The following PALS2 variants were observed in gnomAD, a reference collection of about 807,000 sequenced individuals.
PALS2 encodes the protein protein associated with LIN7 2, MAGUK p55 family member.
Under a neutral mutation model 61.6 loss-of-function variants are expected in PALS2, and 27 were observed. The ratio of observed to expected loss-of-function variants is 0.44; its 90% CI spans 0.32 to 0.60. The LOEUF (loss-of-function observed/expected upper bound fraction) is 0.60, where lower values mean the gene tolerates loss of function less well. PALS2 is among the 20% of genes least tolerant of loss of function. PALS2 has a pLI of 0.05. For missense variants in PALS2, 554 were observed against 639.4 expected (o/e 0.87, Z 1.44); for synonymous variants, 236 against 218.6 (o/e 1.08, Z -0.70).
intron 9 of PALS2, among the ~76,000 whole-genome samples, chr7:24,673,996 G>GT (rs1237045474): frequency 6.6e-6 from 1 of 151,608 alleles, no homozygotes; most frequent in Non-Finnish European, 1.5e-5. Context: ...TTTTGAGTGG[G>GT]TTTTTTATAT....
intron 2 of PALS2, among the ~76,000 whole-genome samples, chr7:24,625,573 C>T (rs1173522529): frequency 6.6e-6 from 1 of 152,204 alleles, no homozygotes; most frequent in African/African-American, 2.4e-5. Flanking sequence ...GTTCTACCTA[C>T]TCCAACACCG....
At position 24,676,180 on chromosome 7, in the gene PALS2, T is replaced by C. The variant is rs188406336; in HGVS notation, c.1115-2951T>C. Among the ~76,000 whole-genome samples the C allele has an allele frequency of 4.2e-3, 636 of 151,410 alleles. 4 individuals carry two copies. The highest frequency in any genetic ancestry group is 0.014 in the African/African-American group (591 of 41,442). On this transcript the variant is annotated intron_variant, in intron 9 of 11. Coordinates refer to ENST00000222644, the MANE Select transcript of PALS2 (RefSeq NM_001303037.2). ...TTTTTTCATGTGTTTTTTGGCTGCA[T>C]AAGTGTCTGTCCATGTCCTTCGCCC...
chr7:24,626,760 A>G (rs1327038432), intron 2 of PALS2, among the ~76,000 whole-genome samples: 1 of 152,204 alleles, frequency 6.6e-6, no homozygotes, highest in Non-Finnish European at 1.5e-5. Context: ...AAACCAACAA[A>G]GATCAAAAAA....
chr7:24,626,077 A>G (rs1055328161), intron 2 of PALS2, among the ~76,000 whole-genome samples: 1 of 152,202 alleles, frequency 6.6e-6, no homozygotes, highest in Non-Finnish European at 1.5e-5. Flanking sequence ...ATTTATACAC[A>G]AGGATTTGAA....
intron 1 of PALS2, among the ~76,000 whole-genome samples, chr7:24,606,076 T>C (rs539572504): frequency 6.6e-6 from 1 of 152,278 alleles, no homozygotes; most frequent in East Asian, 1.9e-4. Flanking sequence ...TGGATTTCTT[T>C]CCTAGTAGTA....
At chr7:24,646,642 G>A (rs1359160513) in intron 3 of PALS2, among the ~76,000 whole-genome samples, 1 of 152,152 alleles carries the variant, frequency 6.6e-6, no homozygotes, top group East Asian at 1.9e-4. Flanking sequence ...GCCAGGTTTT[G>A]ATATAAAGAT....
At chr7:24,679,470 T>C (rs1233217662) in intron 10 of PALS2, 137 bp downstream of exon 10, 3 of 763,864 alleles carry the variant, frequency 3.9e-6, no homozygotes, top group African/African-American at 3.5e-5. Flanking sequence ...CTTTGGGTGA[T>C]AGAGAATGTT....
chr7:24,671,171 T>C (rs370051760), intron 9 of PALS2, among the ~76,000 whole-genome samples: 3 of 152,228 alleles, frequency 2.0e-5, no homozygotes, highest in Admixed American at 6.5e-5. Context: ...CCAGTTTCTC[T>C]ACATCCTCAC....
rs973994572 is a variant in PALS2, at chr7:24,619,649, C to T, written c.-2-4017C>T. On this transcript the variant is annotated intron_variant, in intron 1 of 11. Transcript: ENST00000222644. ...AGGAGAATGGCGTGAACCTGGGAGG[C>T]GGAGCTTGCAGTGAGCCGAGATCCC... 6.9e-5 allele frequency among the ~76,000 whole-genome samples: 10 copies of T among 145,402 alleles called. No individual in the cohort carries two copies. The East Asian group carries it at 2.0e-3, about 30-fold the overall frequency.
intron 6 of PALS2, among the ~76,000 whole-genome samples, chr7:24,664,011 CAAG>C (rs1490504935): frequency 2.6e-5 from 4 of 152,092 alleles, no homozygotes; most frequent in Non-Finnish European, 5.9e-5. Flanking sequence ...TGCTATTGGC[CAAG>C]AAGAACTCAC....
chr7:24,627,395 C>A (rs1304373188), intron 2 of PALS2, among the ~76,000 whole-genome samples: 1 of 152,002 alleles, frequency 6.6e-6, no homozygotes, highest in Non-Finnish European at 1.5e-5. Context: ...CAGTAAATGC[C>A]CACAGGAGAA....
chr7:24,621,538 T>C (rs1784519399), intron 1 of PALS2, among the ~76,000 whole-genome samples: 1 of 152,006 alleles, frequency 6.6e-6, no homozygotes, highest in African/African-American at 2.4e-5. Flanking sequence ...AGAAAATAGA[T>C]AATGTCCAAA....
chr7:24,661,283 C>T (rs1168732088), intron 5 of PALS2, among the ~76,000 whole-genome samples: 1 of 151,486 alleles, frequency 6.6e-6, no homozygotes, highest in Admixed American at 6.6e-5. Flanking sequence ...TCAGGTTAAT[C>T]TGAGTTTTTG....
intron 1 of PALS2, among the ~76,000 whole-genome samples, chr7:24,599,525 T>TTTTTG (rs4000763): frequency 0.013 from 1,883 of 143,510 alleles, 56 homozygotes; most frequent in African/African-American, 0.046. Flanking sequence ...TTTTTTTTTT[T>TTTTTG]ATGGAGTCTT....
At chr7:24,633,276 T>C (rs1469523902) in intron 2 of PALS2, among the ~76,000 whole-genome samples, 1 of 150,462 alleles carries the variant, frequency 6.6e-6, no homozygotes, top group Middle Eastern at 3.2e-3. Flanking sequence ...TTCTCAATTT[T>C]TGTTGAAAAA....
chr7:24,573,941 C>G lies in PALS2; in HGVS notation c.-3+348C>G, dbSNP rs1027833763. On this transcript the variant is annotated intron_variant, in intron 1 of 11. Transcript: ENST00000222644. The surrounding 1 kb of genome is among the most constrained non-coding windows in gnomAD (Gnocchi z 5.3). ...CCCCACGCGCTCCCCGGCGCGGCCC[C>G]GACTGGGGCTAGGGCCGCAGACGCG... is the stretch of plus-strand genomic sequence containing the variant. 1.3e-5 allele frequency: 2 copies of G among 152,562 alleles called. No homozygotes were observed. The highest frequency in any genetic ancestry group is 2.9e-5 in the Non-Finnish European group (2 of 68,422). The allele number at this position is 152,562 out of a possible 1,614,324, so 9.5% of individuals were successfully genotyped here.
intron 6 of PALS2, 100 bp downstream of exon 6, chr7:24,663,821 A>G: frequency 1.4e-6 from 2 of 1,400,464 alleles, no homozygotes; most frequent in African/African-American, 1.5e-5. Flanking sequence ...CATTTGTTAC[A>G]ATGATTTTTC....
At position 24,689,353 on chromosome 7, in the gene PALS2, A is replaced by T. The variant is rs964154642; in HGVS notation, c.*1739A>T. On this transcript the variant is annotated 3_prime_UTR_variant, in exon 12 of 12. Coordinates refer to ENST00000222644, the MANE Select transcript of PALS2 (RefSeq NM_001303037.2). Reference sequence around the variant, plus strand: ...CACACTTTAAAGGATTAGGTGTTTAAATATTGATGGTCATCTTTGTCTGGT... The same window carrying T: ...CACACTTTAAAGGATTAGGTGTTTATATATTGATGGTCATCTTTGTCTGGT... The T allele has an allele frequency of 1.3e-5, 2 of 152,154 alleles. No homozygotes were observed. The highest frequency in any genetic ancestry group is 2.4e-5 in the African/African-American group (1 of 41,428). 9.4% of individuals were successfully genotyped at this position (152,154 alleles called of 1,614,324 possible).
chr7:24,662,793 A>AG (rs1786800376), intron 5 of PALS2, among the ~76,000 whole-genome samples: 1 of 127,778 alleles, frequency 7.8e-6, no homozygotes, highest in Non-Finnish European at 1.7e-5. Flanking sequence ...AAAAAAAAAA[A>AG]AAAGAAAGAA....
Sources: allele counts gnomAD v4.1 joint callset (sites outside exome capture counted in the v4.1 genomes callset), GRCh38; gene constraint gnomAD v4.1.1; non-coding constraint Gnocchi (gnomAD v3.1); transcripts MANE v1.5; gene names NCBI Gene and HGNC (gene_info 2026-07-23, HGNC 2026-07-21).